SLC16A6: variants seen among roughly 807,000 people sequenced by gnomAD.
The protein encoded by SLC16A6 is monocarboxylate transporter 7.
Under a neutral mutation model 33.8 loss-of-function variants are expected in SLC16A6, and 15 were observed. The ratio of observed to expected loss-of-function variants is 0.44; its 90% CI spans 0.30 to 0.68. The LOEUF is 0.68. Ranked by LOEUF, SLC16A6 falls within the 30% of genes least tolerant of loss-of-function variation. SLC16A6 has a pLI of 0.10. For missense variants in SLC16A6, 451 were observed against 661.5 expected (o/e 0.68, Z 3.49); for synonymous variants, 219 against 248.4 (o/e 0.88, Z 1.11).
intron 1 of SLC16A6, chr17:68,283,112 G>A (rs1462675407): frequency 6.6e-6 from 1 of 152,006 alleles, no homozygotes; most frequent in African/African-American, 2.4e-5. Flanking sequence ...GAATGACAGA[G>A]CAAGACCCTG....
chr17:68,271,022 T>C lies in SLC16A6; in HGVS notation c.1138A>G (p.Thr380Ala). 1 of 1,614,112 alleles carries C rather than the reference T, an allele frequency of 6.2e-7. No individual in the cohort carries two copies. The highest frequency in any genetic ancestry group is 8.5e-7 in the Non-Finnish European group (1 of 1,180,030). Residue 380 changes from threonine (T) to alanine (A), a missense_variant, in exon 5 of 6, where the codon ACT becomes GCT. Transcript: ENST00000580666. This position sits in a 1 kb window ranked among gnomAD's most constrained non-coding sequence, Gnocchi z 5.3. ...CATGACATTAGACCCCAGAATTCAG[T>C]AGCAAAAGTAAAGGCAAACAGAGAC... ...TVSLFAFTFA[T>A]EFWGLMSCSI...
chr17:68,274,256 A>G (rs938269779), intron 2 of SLC16A6, 186 bp from the exon 3 acceptor site: 8 of 528,316 alleles, frequency 1.5e-5, no homozygotes, highest in Non-Finnish European at 2.3e-5. Context: ...GCTTGAGCCC[A>G]GGAGTTCAAG....
At chr17:68,289,552 C>T (rs1568421940) in intron 1 of SLC16A6, among the ~76,000 whole-genome samples, 2 of 152,186 alleles carry the variant, frequency 1.3e-5, no homozygotes. Flanking sequence ...TTCTTAAAGG[C>T]GTAGCCCGGA....
chr17:68,271,957 C>G lies in SLC16A6; in HGVS notation c.506-303G>C, dbSNP rs1207959424. On this transcript the variant is annotated intron_variant, in intron 4 of 5. Coordinates refer to ENST00000580666, the MANE Select transcript of SLC16A6 (RefSeq NM_004694.5). This position sits in a 1 kb window ranked among gnomAD's most constrained non-coding sequence, Gnocchi z 5.3. The stretch of plus-strand genomic sequence containing the variant: ...AGCTGGGACTATAGGCGTGCGCCAC[C>G]ACGACCAGCCAATTTTTGTATTTTT... Among the ~76,000 whole-genome samples the G allele has an allele frequency of 1.3e-5, 2 of 152,200 alleles. No homozygotes were observed. Among genetic ancestry groups the G allele is most frequent in the Admixed American group, 1.3e-4 (2 of 15,266 alleles).
chr17:68,288,329 G>C (rs568494044), intron 1 of SLC16A6, among the ~76,000 whole-genome samples: 43 of 152,202 alleles, frequency 2.8e-4, no homozygotes, highest in African/African-American at 8.9e-4. Flanking sequence ...CATTCCTTCA[G>C]CAGAAGGCCA....
At position 68,270,944 on chromosome 17, in the gene SLC16A6, G is replaced by A; in HGVS notation, c.1216C>T (p.Leu406=). ...CCCACGACATCATCCTCAGCAAGCAGTGGAATGTGAGTCCCTCCTATTGTT... is the reference window on the plus strand; with the variant it reads ...CCCACGACATCATCCTCAGCAAGCAATGGAATGTGAGTCCCTCCTATTGTT... The part of the protein sequence containing the change: ...VGTIGGTHIP[L]LAEDDVVGIE... Residue 406 remains leucine, a synonymous_variant, in exon 5 of 6, where the codon CTG becomes TTG. Coordinates refer to ENST00000580666, the MANE Select transcript of SLC16A6 (RefSeq NM_004694.5). 6.2e-7 allele frequency: 1 copy of A among 1,614,214 alleles called. No homozygotes were observed. The highest frequency in any genetic ancestry group is 8.5e-7 in the Non-Finnish European group (1 of 1,180,046).
chr17:68,282,504 A>AC (rs1327248499), intron 1 of SLC16A6, among the ~76,000 whole-genome samples: 4 of 151,976 alleles, frequency 2.6e-5, no homozygotes, highest in Non-Finnish European at 4.4e-5. Flanking sequence ...AAAAAAAAAA[A>AC]AACTACACAT....
Position 68,271,397 on chromosome 17 carries a change from T to C in SLC16A6, c.763A>G (p.Thr255Ala), listed in dbSNP as rs782484654. 1 of 1,614,266 alleles carries C rather than the reference T, an allele frequency of 6.2e-7. No individual in the cohort carries two copies. Among genetic ancestry groups the C allele is most frequent in the Admixed American group, 1.7e-5 (1 of 60,028 alleles). ...GCCTTCGGCTCCAGTTCCAGGTTAG[T>C]GTGAGTAGGCACATTTTTAGGTGAG... ...TTSPKNVPTH[T>A]NLELEPKADM... Residue 255 changes from threonine to alanine, a missense_variant, in exon 5 of 6, where the codon ACT becomes GCT. By Grantham distance (58) the Thr-to-Ala change is moderately conservative. Transcript: ENST00000580666. This position sits in a 1 kb window ranked among gnomAD's most constrained non-coding sequence, Gnocchi z 5.3.
intron 1 of SLC16A6, among the ~76,000 whole-genome samples, chr17:68,288,029 G>A (rs1157100194): frequency 1.4e-5 from 2 of 138,758 alleles, no homozygotes; most frequent in African/African-American, 5.4e-5. Flanking sequence ...TGGAGTCTCA[G>A]TCTGTCTCCC....
chr17:68,273,201 GTTCAT>G (rs1287072331), intron 3 of SLC16A6, among the ~76,000 whole-genome samples: 1 of 151,034 alleles, frequency 6.6e-6, no homozygotes, highest in Non-Finnish European at 1.5e-5. Flanking sequence ...TCCTTTTATT[GTTCAT>G]TTCATTTTTT....
chr17:68,283,382 G>A (rs1035653133), intron 1 of SLC16A6, among the ~76,000 whole-genome samples: 13 of 152,096 alleles, frequency 8.5e-5, no homozygotes, highest in African/African-American at 3.1e-4. Context: ...TTAGCCAGGC[G>A]TGGTGGCGGG....
At chr17:68,276,609 C>T (rs567175219) in intron 2 of SLC16A6, among the ~76,000 whole-genome samples, 30 of 152,052 alleles carry the variant, frequency 2.0e-4, no homozygotes, top group South Asian at 8.3e-4. Flanking sequence ...CCACCATGCC[C>T]GGCCAATTTT....
chr17:68,273,835 G>T, intron 3 of SLC16A6, 92 bp downstream of exon 3: 1 of 1,439,138 alleles, frequency 6.9e-7, no homozygotes, highest in Non-Finnish European at 9.5e-7. Context: ...GAAAGAGAAA[G>T]AAATATAGTT....
At chr17:68,280,730 A>G (rs2075667851) in intron 1 of SLC16A6, among the ~76,000 whole-genome samples, 1 of 152,248 alleles carries the variant, frequency 6.6e-6, no homozygotes, top group African/African-American at 2.4e-5. Context: ...TGTCTGAGGA[A>G]AGATTTTTAT....
At chr17:68,273,471 T>G (rs1016953272) in intron 3 of SLC16A6, among the ~76,000 whole-genome samples, 1 of 152,156 alleles carries the variant, frequency 6.6e-6, no homozygotes, top group African/African-American at 2.4e-5. Context: ...TCCTCCTGTC[T>G]CAGCCTCCCG....
chr17:68,267,597 G>A lies in SLC16A6; in HGVS notation c.*1499C>T, dbSNP rs1367188045. The A allele has an allele frequency of 3.3e-5, 5 of 152,200 alleles. No homozygotes were observed. The highest frequency in any genetic ancestry group is 7.3e-5 in the Non-Finnish European group (5 of 68,040). The allele number at this position is 152,200 out of a possible 1,614,324, so 9.4% of individuals were successfully genotyped here. On this transcript the variant is annotated 3_prime_UTR_variant, in exon 6 of 6. Transcript: ENST00000580666. ...GTTGTCATAAATTAACATTAACGAT[G>A]AATAAAGATGGAGCAGCAAGCATTG...
At chr17:68,269,947 AGAGGCAT>A (rs1179163129) in intron 5 of SLC16A6, among the ~76,000 whole-genome samples, 1 of 152,178 alleles carries the variant, frequency 6.6e-6, no homozygotes, top group Non-Finnish European at 1.5e-5. Flanking sequence ...TGTTGGGATT[AGAGGCAT>A]GAGCCACTGC....
chr17:68,271,424 T>G lies in SLC16A6; in HGVS notation c.736A>C (p.Thr246Pro). The G allele has an allele frequency of 2.5e-6, 4 of 1,614,154 alleles. No homozygotes were observed. The highest frequency in any genetic ancestry group is 3.4e-6 in the Non-Finnish European group (4 of 1,180,036). The change falls in exon 5 of 6, where the codon ACC (threonine) becomes CCC (proline). Residue 246 changes from threonine (T) to proline (P), a missense_variant. Coordinates refer to ENST00000580666, the MANE Select transcript of SLC16A6 (RefSeq NM_004694.5). This position sits in a 1 kb window ranked among gnomAD's most constrained non-coding sequence, Gnocchi z 5.3. The part of the protein sequence containing the change: ...DSIDSGVELT[T>P]SPKNVPTHTN... ...TGAGTAGGCACATTTTTAGGTGAGGTAGTTAGTTCTACTCCTGAGTCAATG... is the reference window on the plus strand; with the variant it reads ...TGAGTAGGCACATTTTTAGGTGAGGGAGTTAGTTCTACTCCTGAGTCAATG...
chr17:68,275,309 A>G (rs2075478647), intron 2 of SLC16A6, among the ~76,000 whole-genome samples: 1 of 152,216 alleles, frequency 6.6e-6, no homozygotes, highest in African/African-American at 2.4e-5. Context: ...GTCAAGGAAC[A>G]ACAACATGCT....
Sources: gnomAD v4.1 joint callset for allele counts (sites outside exome capture counted in the v4.1 genomes callset) on GRCh38, gnomAD v4.1.1 for gene constraint, Gnocchi (gnomAD v3.1) non-coding constraint, MANE v1.5 for transcripts, NCBI Gene and HGNC (gene_info 2026-07-23, HGNC 2026-07-21) for gene names.